DAB1: variants seen among roughly 807,000 people sequenced by gnomAD.
DAB1 encodes the protein DAB adaptor protein 1, also known as disabled homolog 1.
Under a neutral mutation model 64.6 loss-of-function variants are expected in DAB1, and 15 were observed. The observed-to-expected ratio is 0.23, with a 90% CI of 0.16 to 0.36. The LOEUF (loss-of-function observed/expected upper bound fraction) is 0.36. DAB1 is among the 10% of genes least tolerant of loss of function. DAB1 has a pLI of 1.00. For synonymous variants in DAB1, 235 were observed against 251.9 expected (o/e 0.93, Z 0.64); for missense variants, 596 against 706.7 (o/e 0.84, Z 1.78).
At chr1:58,376,572 A>G (rs550672219) in intron 3 of DAB1, among the ~76,000 whole-genome samples, 4,933 of 147,142 alleles carry the variant, frequency 0.034, 528 homozygotes, top group African/African-American at 0.12. Context: ...GTTCGTTTAC[A>G]TTTGCTGAGG....
At chr1:57,398,552 A>G (rs1459065694) in intron 1 of DAB1, among the ~76,000 whole-genome samples, 1 of 152,238 alleles carries the variant, frequency 6.6e-6, no homozygotes, top group African/African-American at 2.4e-5. Context: ...GACAGTCAGT[A>G]TGTTAAATGA....
At chr1:57,690,079 A>T (rs1570740449) in intron 6 of DAB1, among the ~76,000 whole-genome samples, 1 of 152,152 alleles carries the variant, frequency 6.6e-6, no homozygotes, top group East Asian at 1.9e-4. Flanking sequence ...GTTGCAAATG[A>T]CAGGATCTCA....
chr1:57,746,026 A>G (rs78346395), intron 6 of DAB1, among the ~76,000 whole-genome samples: 15,122 of 152,202 alleles, frequency 0.099, 891 homozygotes, highest in East Asian at 0.21. Context: ...AGATCTCACC[A>G]TTAGTCTATT....
At chr1:58,042,989 A>G (rs994194690) in intron 5 of DAB1, among the ~76,000 whole-genome samples, 1 of 152,230 alleles carries the variant, frequency 6.6e-6, no homozygotes, top group African/African-American at 2.4e-5. Flanking sequence ...AATAGCTGAA[A>G]TGTGGTGTGT....
chr1:57,737,131 T>C (rs941867011), intron 6 of DAB1, among the ~76,000 whole-genome samples: 1 of 152,286 alleles, frequency 6.6e-6, no homozygotes, highest in South Asian at 2.1e-4. Flanking sequence ...ATCTGTGGCC[T>C]TGGCAGAAAG....
chr1:57,050,354 T>C (rs1649058508), intron 9 of DAB1, among the ~76,000 whole-genome samples: 1 of 152,148 alleles, frequency 6.6e-6, no homozygotes. Flanking sequence ...CCTGAAAGCA[T>C]CAGTGACTTC....
intron 4 of DAB1, among the ~76,000 whole-genome samples, chr1:58,193,105 G>A (rs945841390): frequency 1.3e-4 from 20 of 152,162 alleles, no homozygotes; most frequent in African/African-American, 4.3e-4. Context: ...TTGGAGGCGG[G>A]GCTTAATGGG....
chr1:58,335,560 A>G (rs1663092839), intron 4 of DAB1, among the ~76,000 whole-genome samples: 1 of 152,102 alleles, frequency 6.6e-6, no homozygotes, highest in Non-Finnish European at 1.5e-5. Flanking sequence ...AATGCTGTGC[A>G]CAATGAATGT....
At chr1:58,059,954 G>A (rs1648384788) in intron 5 of DAB1, among the ~76,000 whole-genome samples, 1 of 152,160 alleles carries the variant, frequency 6.6e-6, no homozygotes, top group African/African-American at 2.4e-5. Flanking sequence ...GGAACTTCCT[G>A]GGAGCTCCCG....
intron 5 of DAB1, among the ~76,000 whole-genome samples, chr1:58,064,943 C>G (rs1341650517): frequency 6.6e-6 from 1 of 151,988 alleles, no homozygotes; most frequent in Non-Finnish European, 1.5e-5. Context: ...ATCTCCTGAC[C>G]TCGTGATCCG....
At chr1:57,624,871 C>G (rs566783368) in intron 7 of DAB1, among the ~76,000 whole-genome samples, 2 of 152,314 alleles carry the variant, frequency 1.3e-5, no homozygotes, top group South Asian at 4.1e-4. Context: ...CCTTCTTTCT[C>G]TAATGAATTG....
intron 2 of DAB1, among the ~76,000 whole-genome samples, chr1:57,285,566 C>A (rs1336987483): frequency 6.6e-6 from 1 of 152,106 alleles, no homozygotes; most frequent in Non-Finnish European, 1.5e-5. Context: ...AGCACCACAC[C>A]CAGCCCCCTC....
chr1:58,505,830 C>T (rs12135418), intron 3 of DAB1, among the ~76,000 whole-genome samples: 1,749 of 152,206 alleles, frequency 0.011, 18 homozygotes, highest in Non-Finnish European at 0.019. Context: ...AGGAGTTAAA[C>T]CTTCACTATT....
chr1:57,931,999 C>T (rs1320278400), intron 5 of DAB1, among the ~76,000 whole-genome samples: 1 of 152,116 alleles, frequency 6.6e-6, no homozygotes, highest in Non-Finnish European at 1.5e-5. Flanking sequence ...AAATTTCCCT[C>T]TAAGCACAGC....
intron 5 of DAB1, among the ~76,000 whole-genome samples, chr1:57,978,724 A>C (rs527609948): frequency 6.6e-6 from 1 of 152,216 alleles, no homozygotes; most frequent in Non-Finnish European, 1.5e-5. Flanking sequence ...TTACAAGAAA[A>C]AAACAAACAA....
chr1:58,064,457 G>A (rs1012993569), intron 5 of DAB1, among the ~76,000 whole-genome samples: 2 of 152,112 alleles, frequency 1.3e-5, no homozygotes. Flanking sequence ...TTGCTGTGTG[G>A]CTGGCCTTGG....
chr1:57,941,123 C>G (rs1034533430), intron 5 of DAB1, among the ~76,000 whole-genome samples: 21 of 152,166 alleles, frequency 1.4e-4, no homozygotes, highest in Non-Finnish European at 2.9e-4. Flanking sequence ...ACAGTGACCC[C>G]TCAACATCCC....
In DAB1 at chr1:57,590,183, T is replaced by C. The variant is rs1385757329; in HGVS notation, n.625+59409A>G. Reference sequence around the variant, plus strand: ...AGATGGCAACCCTTTTGCTGCCTCTTCACGTGGTCTTTCTTCTATGCACAC... The same window carrying C: ...AGATGGCAACCCTTTTGCTGCCTCTCCACGTGGTCTTTCTTCTATGCACAC... On this transcript the variant is annotated intron_variant and non_coding_transcript_variant, in intron 7 of 20. Coordinates refer to the DAB1 transcript ENST00000485760. 2.0e-5 allele frequency among the ~76,000 whole-genome samples: 3 copies of C among 152,324 alleles called. No individual in the cohort carries two copies. In the Middle Eastern group the frequency reaches 0.01, roughly 518 times the overall value.
intron 4 of DAB1, among the ~76,000 whole-genome samples, chr1:57,116,684 G>A (rs747282469): frequency 6.6e-6 from 1 of 152,058 alleles, no homozygotes; most frequent in Non-Finnish European, 1.5e-5. Flanking sequence ...TGTTCTTAGG[G>A]CCAATATTGT....
Sources: gnomAD v4.1 joint callset for allele counts (sites outside exome capture counted in the v4.1 genomes callset) on GRCh38, gnomAD v4.1.1 for gene constraint, MANE v1.5 for transcripts, NCBI Gene and HGNC (gene_info 2026-07-23, HGNC 2026-07-21) for gene names.